Variants in BAG2 observed in about 807,000 individuals in gnomAD.
The protein encoded by BAG2 is BAG family molecular chaperone regulator 2.
In BAG2, 8 loss-of-function variants were observed where a neutral mutation model predicts 16.4. That is an observed-to-expected ratio of 0.49 (90% confidence interval 0.29 to 0.88). The LOEUF is 0.88. Ranked by LOEUF, BAG2 falls within the 40% of genes least tolerant of loss-of-function variation. The pLI is 0.09. For missense variants in BAG2, 218 were observed against 248.9 expected (o/e 0.88, Z 0.84); for synonymous variants, 82 against 89.2 (o/e 0.92, Z 0.46).
In BAG2 at chr6:57,186,376, G is replaced by C. The variant is rs1764612368; in HGVS notation, c.*2186G>C. The C allele has an allele frequency of 6.6e-6, 1 of 152,436 alleles. No individual in the cohort carries two copies. Among genetic ancestry groups the C allele is most frequent in the Non-Finnish European group, 1.5e-5 (1 of 68,286 alleles). 9.4% of individuals were successfully genotyped at this position (152,436 alleles called of 1,614,324 possible). ...CTGTTGCCCAGGCTGGAGTGCAGTG[G>C]TGTGATCTCAGCTCACTGCAACCTC... is the stretch of plus-strand genomic sequence containing the variant. On this transcript the variant is annotated 3_prime_UTR_variant, in exon 3 of 3. Transcript: ENST00000370693.
chr6:57,183,221 T>C (rs1764521064), intron 2 of BAG2, among the ~76,000 whole-genome samples: 1 of 152,200 alleles, frequency 6.6e-6, no homozygotes, highest in Non-Finnish European at 1.5e-5. Flanking sequence ...GACTTTCTCA[T>C]ATAAATAATG....
At chr6:57,179,956 T>C (rs182120479) in intron 1 of BAG2, among the ~76,000 whole-genome samples, 10 of 148,278 alleles carry the variant, frequency 6.7e-5, no homozygotes, top group Non-Finnish European at 1.2e-4. Context: ...AAGGACCTTT[T>C]CTTAAAAAAA....
At position 57,187,188 on chromosome 6, in the gene BAG2, T is replaced by G. The variant is rs1764634253; in HGVS notation, c.*2998T>G. 1 of 152,154 alleles carries G rather than the reference T, an allele frequency of 6.6e-6. No individual in the cohort carries two copies. The highest frequency in any genetic ancestry group is 1.5e-5 in the Non-Finnish European group (1 of 68,022). The allele number at this position is 152,154 out of a possible 1,614,324, so 9.4% of individuals were successfully genotyped here. ...TAGAAGGAATTCAGTTTTCCTTTTA[T>G]CCCCAATTTTTTGCTTTTAAAAGAC... On this transcript the variant is annotated 3_prime_UTR_variant, in exon 3 of 3. Transcript: ENST00000370693.
chr6:57,181,595 G>C (rs1764446579), intron 1 of BAG2, among the ~76,000 whole-genome samples: 1 of 152,140 alleles, frequency 6.6e-6, no homozygotes, highest in African/African-American at 2.4e-5. Flanking sequence ...GCCGGGCCTG[G>C]AGGCTGAGGC....
chr6:57,181,583 T>C (rs992184190), intron 1 of BAG2, among the ~76,000 whole-genome samples: 10 of 151,828 alleles, frequency 6.6e-5, no homozygotes, highest in African/African-American at 2.4e-4. Flanking sequence ...CTACAGAAAT[T>C]AGCCGGGCCT....
Position 57,188,220 on chromosome 6 carries a change from A to G in BAG2, c.*4030A>G, listed in dbSNP as rs1764686079. On this transcript the variant is annotated 3_prime_UTR_variant, in exon 3 of 3. Transcript: ENST00000370693. ...ATGTCAATTTTTGAAGGCTTTAAGAATTGATTAAATTGAGAAATTAACATG... is the reference window on the plus strand; with the variant it reads ...ATGTCAATTTTTGAAGGCTTTAAGAGTTGATTAAATTGAGAAATTAACATG... 1 of 152,212 alleles carries G rather than the reference A, an allele frequency of 6.6e-6. No homozygotes were observed. Among genetic ancestry groups the G allele is most frequent in the Non-Finnish European group, 1.5e-5 (1 of 68,014 alleles). 9.4% of individuals were successfully genotyped at this position (152,212 alleles called of 1,614,324 possible). A position where few individuals can be genotyped will look rare whatever the true frequency, so the allele number is the denominator to read the frequency against.
intron 1 of BAG2, among the ~76,000 whole-genome samples, chr6:57,176,680 G>T (rs1764294241): frequency 6.6e-6 from 1 of 152,208 alleles, no homozygotes; most frequent in African/African-American, 2.4e-5. Context: ...AAGGGATGGG[G>T]TTGGGGGTGA....
chr6:57,182,751 A>G (rs777994410), intron 2 of BAG2, among the ~76,000 whole-genome samples: 48 of 152,050 alleles, frequency 3.2e-4, no homozygotes, highest in Non-Finnish European at 8.8e-5. Context: ...CCTGGGTTGA[A>G]GCGATTCTCC....
At chr6:57,179,275 T>A (rs529145567) in intron 1 of BAG2, among the ~76,000 whole-genome samples, 135 of 152,366 alleles carry the variant, frequency 8.9e-4, no homozygotes, top group Middle Eastern at 3.4e-3. Flanking sequence ...GTTAGTAGAA[T>A]ATTTGTATTT....
intron 2 of BAG2, 36 bp downstream of exon 2, chr6:57,182,177 A>G: frequency 1.3e-6 from 2 of 1,575,574 alleles, no homozygotes; most frequent in Non-Finnish European, 1.7e-6. Flanking sequence ...CTCATCTTTT[A>G]CACTCCTTTA....
chr6:57,175,479 ACT>A (rs1764255187), intron 1 of BAG2, among the ~76,000 whole-genome samples: 1 of 152,020 alleles, frequency 6.6e-6, no homozygotes, highest in African/African-American at 2.4e-5. Context: ...GGGTCAAAAG[ACT>A]CTCGTTCCAG....
chr6:57,177,530 A>G (rs1764315356), intron 1 of BAG2, among the ~76,000 whole-genome samples: 1 of 152,200 alleles, frequency 6.6e-6, no homozygotes, highest in Non-Finnish European at 1.5e-5. Flanking sequence ...ATAAGCCCAC[A>G]TTCATAATGG....
chr6:57,184,361 T>TGA lies in BAG2; in HGVS notation c.*171_*172insGA. On this transcript the variant is annotated 3_prime_UTR_variant, in exon 3 of 3. Coordinates refer to ENST00000370693, the MANE Select transcript of BAG2 (RefSeq NM_004282.4). ...TCTTCAGTTTTGTGAATAACAAAACTAGCAATATTTTAATTATCTATCTAG... is the reference window on the plus strand; with the variant it reads ...TCTTCAGTTTTGTGAATAACAAAACTGAAGCAATATTTTAATTATCTATCTAG... 3.8e-6 allele frequency: 2 copies of TGA among 530,744 alleles called. No individual in the cohort carries two copies. The highest frequency in any genetic ancestry group is 6.0e-6 in the Non-Finnish European group (2 of 334,626). The allele number at this position is 530,744 out of a possible 1,614,324, so 32.9% of individuals were successfully genotyped here.
rs1180646992 is a variant in BAG2 at position 57,172,774 on chromosome 6, G to A, written c.77G>A (p.Ser26Asn). ...TCCTCCTCCATGGCTGACCGCTCCA[G>A]CCGCCTGCTGGAGAGCCTGGACCAG... ...CRSSSMADRS[S>N]RLLESLDQLE... The change falls in exon 1 of 3, where the codon AGC (serine) becomes AAC (asparagine). Residue 26 changes from serine (S) to asparagine (N), a missense_variant. Ser to Asn is a conservative substitution (Grantham distance 46). This residue lies in a region of BAG2 where 75 missense variants were observed against 63.1 expected (regional missense o/e 1.19). Transcript: ENST00000370693. 3 of 1,574,324 alleles carry A rather than the reference G, an allele frequency of 1.9e-6. No individual in the cohort carries two copies. Among genetic ancestry groups the A allele is most frequent in the Non-Finnish European group, 2.6e-6 (3 of 1,163,422 alleles).
In BAG2 at chr6:57,187,044, A is replaced by G. The variant is rs893231015; in HGVS notation, c.*2854A>G. The G allele has an allele frequency of 2.6e-5, 4 of 152,214 alleles. No individual in the cohort carries two copies. Among genetic ancestry groups the G allele is most frequent in the African/African-American group, 9.6e-5 (4 of 41,452 alleles). 9.4% of individuals were successfully genotyped at this position (152,214 alleles called of 1,614,324 possible). ...TGATTATTGGAATTCATCCTTCATG[A>G]AATTTTTAGAGTAGTGTTTTAAATT... is the stretch of plus-strand genomic sequence containing the variant. On this transcript the variant is annotated 3_prime_UTR_variant, in exon 3 of 3. Coordinates refer to ENST00000370693, the MANE Select transcript of BAG2 (RefSeq NM_004282.4).
At chr6:57,182,308 C>T (rs1764481797) in intron 2 of BAG2, among the ~76,000 whole-genome samples, 167 bp downstream of exon 2, 1 of 152,024 alleles carries the variant, frequency 6.6e-6, no homozygotes, top group Non-Finnish European at 1.5e-5. Context: ...ACAGCAGCCA[C>T]TTACTCAGAG....
chr6:57,179,959 T>TA (rs199881391), intron 1 of BAG2, among the ~76,000 whole-genome samples: 16,336 of 144,278 alleles, frequency 0.11, 1,080 homozygotes, highest in Middle Eastern at 0.18. Context: ...GACCTTTTCT[T>TA]AAAAAAAAAA....
rs995950741 is a variant in BAG2 at position 57,185,728 on chromosome 6, T to C, written c.*1538T>C. 10 of 152,310 alleles carry C rather than the reference T, an allele frequency of 6.6e-5. No homozygotes were observed. The East Asian group carries it at 1.9e-3, about 29-fold the overall frequency. 9.4% of individuals were successfully genotyped at this position (152,310 alleles called of 1,614,324 possible). On this transcript the variant is annotated 3_prime_UTR_variant, in exon 3 of 3. Coordinates refer to ENST00000370693, the MANE Select transcript of BAG2 (RefSeq NM_004282.4). The stretch of plus-strand genomic sequence containing the variant: ...GTGAGATGATTTTTTGTGTGCATCA[T>C]TTTTTTCTTGACCAGCTTTTTGAAA...
intron 1 of BAG2, among the ~76,000 whole-genome samples, chr6:57,177,777 A>G (rs1764325035): frequency 6.6e-6 from 1 of 152,314 alleles, no homozygotes; most frequent in African/African-American, 2.4e-5. Context: ...TTTTCACTGC[A>G]TACTCTATTA....
Sources: allele counts gnomAD v4.1 joint callset (sites outside exome capture counted in the v4.1 genomes callset), GRCh38; gene constraint gnomAD v4.1.1; regional missense constraint gnomAD v4.1.1; transcripts MANE v1.5; gene names NCBI Gene and HGNC (gene_info 2026-07-23, HGNC 2026-07-21).